COL11A1: variants seen among roughly 807,000 people sequenced by gnomAD.
COL11A1 encodes the protein collagen type XI alpha 1 chain.
A neutral mutation model predicts 265.2 loss-of-function variants in COL11A1; 74 were observed. The ratio of observed to expected loss-of-function variants is 0.28; its 90% CI spans 0.23 to 0.34. The LOEUF is 0.34. Ranked by LOEUF, COL11A1 falls within the 10% of genes least tolerant of loss-of-function variation. The probability of loss-of-function intolerance (pLI) is 1.00; values close to 1 mark genes in which losing one functional copy is unlikely to be tolerated. For synonymous variants in COL11A1, 816 were observed against 727.6 expected, an observed-to-expected ratio of 1.12 and a Z score of -1.96; for missense variants, 2,165 against 2,263.6, an observed-to-expected ratio of 0.96 and a Z score of 0.88.
Position 102,883,296 on chromosome 1 carries a change from T to G in COL11A1, c.4874A>C (p.Asp1625Ala). The G allele has an allele frequency of 6.2e-7, 1 of 1,611,376 alleles. No homozygotes were observed. Among genetic ancestry groups the G allele is most frequent in the Non-Finnish European group, 8.5e-7 (1 of 1,177,726 alleles). ...ATCTCCTGAGCAACCTTGGTTAGGA[T>G]CAATCCAATATTCACCTAGAAGGTA... ...PDFPDGEYWI[D>A]PNQGCSGDSF... is the part of the protein sequence containing the mutation. The change falls in exon 64 of 67, where the codon GAT becomes GCT. Residue 1625 changes from aspartate (D) to alanine (A), a missense_variant. By Grantham distance (126) the Asp-to-Ala change is moderately radical. Coordinates refer to ENST00000370096, the MANE Select transcript of COL11A1 (RefSeq NM_001854.4).
At chr1:102,927,611 G>C (rs2622834) in intron 46 of COL11A1, among the ~76,000 whole-genome samples, 29,083 of 151,682 alleles carry the variant, frequency 0.19, 3,510 homozygotes, top group African/African-American at 0.34. Flanking sequence ...CCACTGCACT[G>C]CAGCCTGGGT....
chr1:102,994,418 T>C (rs1486390627), intron 28 of COL11A1, among the ~76,000 whole-genome samples: 1 of 152,040 alleles, frequency 6.6e-6, no homozygotes, highest in Admixed American at 6.6e-5. Flanking sequence ...TGGCACCTTC[T>C]TCACCCCCTC....
chr1:102,886,126 C>T (rs1253763185), intron 63 of COL11A1, among the ~76,000 whole-genome samples: 1 of 152,110 alleles, frequency 6.6e-6, no homozygotes, highest in African/African-American at 2.4e-5. Context: ...TGAAGATCTG[C>T]CCCTTGCTAC....
At chr1:102,895,250 C>T (rs575629999) in intron 57 of COL11A1, among the ~76,000 whole-genome samples, 1 of 152,248 alleles carries the variant, frequency 6.6e-6, no homozygotes, top group South Asian at 2.1e-4. Context: ...CCAGAAACTT[C>T]CTATAAAATT....
rs536193591 is a variant in COL11A1, at chr1:103,103,681, C to T, written c.106+4392G>A. 2.5e-3 allele frequency among the ~76,000 whole-genome samples: 375 copies of T among 151,952 alleles called. 2 individuals carry two copies. The highest frequency in any genetic ancestry group is 7.5e-3 in the African/African-American group (313 of 41,492). On this transcript the variant is annotated intron_variant, in intron 1 of 66. Coordinates refer to ENST00000370096, the MANE Select transcript of COL11A1 (RefSeq NM_001854.4). Reference sequence around the variant, plus strand: ...GGAAATAAATATAGCGATAATATATCGAATTCTTTCTCTTTTACTTCCTTG... The same window carrying T: ...GGAAATAAATATAGCGATAATATATTGAATTCTTTCTCTTTTACTTCCTTG...
At chr1:103,036,627 G>C (rs1054964679) in intron 4 of COL11A1, among the ~76,000 whole-genome samples, 2 of 151,552 alleles carry the variant, frequency 1.3e-5, no homozygotes, top group South Asian at 2.1e-4. Context: ...TTCCCAGAAG[G>C]CATTTTACAG....
At chr1:103,093,152 T>C (rs893752483) in intron 1 of COL11A1, among the ~76,000 whole-genome samples, 9 of 152,122 alleles carry the variant, frequency 5.9e-5, no homozygotes, top group African/African-American at 2.2e-4. Flanking sequence ...AGCCATTATA[T>C]AGCTATGAAG....
chr1:102,969,528 A>AT (rs1661751776), intron 37 of COL11A1, among the ~76,000 whole-genome samples: 2 of 152,196 alleles, frequency 1.3e-5, no homozygotes. Flanking sequence ...CAGATGTCTG[A>AT]TTTTGAAAGG....
intron 4 of COL11A1, among the ~76,000 whole-genome samples, chr1:103,036,322 GTATATATATA>G (rs3056958): frequency 0.017 from 2,392 of 140,364 alleles, 63 homozygotes; most frequent in African/African-American, 0.056. Flanking sequence ...AGTTGCTATC[GTATATATATA>G]TATATATATA....
At chr1:102,967,605 C>T (rs1167164650) in intron 37 of COL11A1, among the ~76,000 whole-genome samples, 5 of 152,100 alleles carry the variant, frequency 3.3e-5, no homozygotes, top group African/African-American at 1.2e-4. Flanking sequence ...TATGCAAATT[C>T]AGTTACTTCC....
chr1:102,967,227 C>CTTTTTTTTTTTTTTTTTTTTTTTT lies in COL11A1; in HGVS notation c.2863-1711_2863-1688dup, dbSNP rs35303945. The stretch of plus-strand genomic sequence containing the variant: ...CCCACAAAACCAAACATAATAAATT[C>CTTTTTTTTTTTTTTTTTTTTTTTT]TTTTTTTTTTTTTTTTTTTTTTTTT... On this transcript the variant is annotated intron_variant, in intron 37 of 66. Transcript: ENST00000370096. Among the ~76,000 whole-genome samples, 2 of 52,754 alleles carry CTTTTTTTTTTTTTTTTTTTTTTTT rather than the reference C, an allele frequency of 3.8e-5. 1 individual carries two copies. The highest frequency in any genetic ancestry group is 1.6e-4 in the African/African-American group (2 of 12,456). 34.6% of individuals were successfully genotyped at this position (52,754 alleles called of 152,430 possible). A position where few individuals can be genotyped will look rare whatever the true frequency, so the allele number is the denominator to read the frequency against.
rs2101995328 is a variant in COL11A1 at position 103,031,187 on chromosome 1, C to T, written c.709G>A (p.Glu237Lys). The T allele has an allele frequency of 3.1e-6, 5 of 1,610,990 alleles. No individual in the cohort carries two copies. Among genetic ancestry groups the T allele is most frequent in the South Asian group, 1.1e-5 (1 of 91,034 alleles). The change falls in exon 5 of 67, where the codon GAG (glutamate) becomes AAG (lysine). Residue 237 changes from glutamate to lysine, a missense_variant. Transcript: ENST00000370096. ...GDPKAAYDYCEHYSPDCDSSA... is the reference protein window; with the variant it reads ...GDPKAAYDYCKHYSPDCDSSA... Reference sequence around the variant, plus strand: ...GAGTCACAGTCTGGACTATAATGCTCACAGTAGTCATATGCTGCCTTGGGA... The same window carrying T: ...GAGTCACAGTCTGGACTATAATGCTTACAGTAGTCATATGCTGCCTTGGGA...
At chr1:102,925,561 T>C (rs2101102856) in intron 46 of COL11A1, among the ~76,000 whole-genome samples, 1 of 152,192 alleles carries the variant, frequency 6.6e-6, no homozygotes, top group Admixed American at 6.5e-5. Context: ...CTGCTATATA[T>C]ACTTCCCAAA....
intron 49 of COL11A1, among the ~76,000 whole-genome samples, chr1:102,918,617 G>C (rs551338261): frequency 6.6e-6 from 1 of 151,560 alleles, no homozygotes; most frequent in African/African-American, 2.4e-5. Flanking sequence ...AAAAATGAAG[G>C]TTAGAATTCT....
chr1:103,012,495 A>C (rs773479083), intron 13 of COL11A1, 26 bp from the exon 14 acceptor site: 1 of 1,577,158 alleles, frequency 6.3e-7, no homozygotes, highest in Non-Finnish European at 8.7e-7. Context: ...TATCAAATTC[A>C]GTAATATTCT....
chr1:102,999,717 G>A (rs1664943518), intron 24 of COL11A1, among the ~76,000 whole-genome samples: 1 of 151,624 alleles, frequency 6.6e-6, no homozygotes, highest in Admixed American at 6.6e-5. Flanking sequence ...TATGACATTA[G>A]TTAAATTGTA....
intron 54 of COL11A1, among the ~76,000 whole-genome samples, chr1:102,900,801 C>T (rs1376799612): frequency 6.6e-6 from 1 of 152,124 alleles, no homozygotes; most frequent in South Asian, 2.1e-4. Flanking sequence ...CTTCTGTGAA[C>T]AAATATCTGT....
At chr1:103,101,512 G>C (rs770627232) in intron 1 of COL11A1, among the ~76,000 whole-genome samples, 4 of 151,856 alleles carry the variant, frequency 2.6e-5, no homozygotes, top group Non-Finnish European at 5.9e-5. Context: ...TCCTTTCAGG[G>C]AGTCTATGTG....
chr1:102,965,582 C>G, intron 37 of COL11A1, 42 bp from the exon 38 acceptor site: 1 of 1,545,072 alleles, frequency 6.5e-7, no homozygotes, highest in South Asian at 1.1e-5. Flanking sequence ...ACATACAACA[C>G]AAAGCATAAA....
Sources: allele counts gnomAD v4.1 joint callset (sites outside exome capture counted in the v4.1 genomes callset), GRCh38; gene constraint gnomAD v4.1.1; transcripts MANE v1.5; gene names NCBI Gene and HGNC (gene_info 2026-07-23, HGNC 2026-07-21).